Variants in PCDHGA10 observed in about 807,000 individuals in gnomAD.
PCDHGA10 encodes the protein protocadherin gamma-A10.
Under a neutral mutation model 59.5 loss-of-function variants are expected in PCDHGA10, and 42 were observed. That is an observed-to-expected ratio of 0.71 (90% CI 0.55 to 0.91). The LOEUF (loss-of-function observed/expected upper bound fraction) is 0.91. Among genes scored for constraint, PCDHGA10 ranks in the 40% least tolerant of loss-of-function variants. The pLI, the probability that PCDHGA10 is intolerant of heterozygous loss-of-function variation, is 0.00. For missense variants in PCDHGA10, 1,111 were observed against 1,198.2 expected, an observed-to-expected ratio of 0.93 and a Z score of 1.07; for synonymous variants, 511 against 517.2, an observed-to-expected ratio of 0.99 and a Z score of 0.16.
chr5:141,417,634 G>A, intron 1 of PCDHGA10: 1 of 721,778 alleles, frequency 1.4e-6, no homozygotes, highest in Non-Finnish European at 2.1e-6. Context: ...GCTGACGCCG[G>A]GGATCCCTCA....
At chr5:141,428,088 C>G (rs761980796) in intron 1 of PCDHGA10, 5 of 1,608,920 alleles carry the variant, frequency 3.1e-6, no homozygotes, top group Non-Finnish European at 4.2e-6. Context: ...CAACGCTTGG[C>G]TGTCCTACCA....
chr5:141,441,750 A>C, intron 1 of PCDHGA10: 1 of 374,962 alleles, frequency 2.7e-6, no homozygotes, highest in South Asian at 2.1e-5. Context: ...GCTCGGCGTC[A>C]ACGTGAGCCT....
chr5:141,476,619 CTT>C lies in PCDHGA10; in HGVS notation c.2437-18186_2437-18185del. Reference sequence around the variant, plus strand: ...CACGATCCCGATGTGGGAAGCAACTCTTTACAAACCTATGAGCTGAGCCGAAA... The same window carrying C: ...CACGATCCCGATGTGGGAAGCAACTCTACAAACCTATGAGCTGAGCCGAAA... On this transcript the variant is annotated intron_variant, in intron 1 of 3. Transcript: ENST00000398610. This position sits in a 1 kb window ranked among gnomAD's most constrained non-coding sequence, Gnocchi z 7.6. The C allele has an allele frequency of 1.2e-6, 2 of 1,614,258 alleles. No homozygotes were observed. The highest frequency in any genetic ancestry group is 1.7e-6 in the Non-Finnish European group (2 of 1,180,052).
At chr5:141,416,674 G>A (rs547618174) in intron 1 of PCDHGA10, 1 of 152,250 alleles carries the variant, frequency 6.6e-6, no homozygotes, top group South Asian at 2.1e-4. Flanking sequence ...TATATGCAAC[G>A]AAGGGAAATT....
Position 141,485,117 on chromosome 5 carries a change from G to A in PCDHGA10, c.2437-9690G>A. The A allele has an allele frequency of 3.0e-6, 4 of 1,326,200 alleles. No homozygotes were observed. The highest frequency in any genetic ancestry group is 4.3e-6 in the Non-Finnish European group (4 of 933,470). 82.2% of individuals were successfully genotyped at this position (1,326,200 alleles called of 1,614,324 possible). On this transcript the variant is annotated intron_variant, in intron 1 of 3. Transcript: ENST00000398610. The surrounding 1 kb of genome is among the most constrained non-coding windows in gnomAD (Gnocchi z 5.7). ...GTCTCCAGCTGCTGTGGCTGTTTGG[G>A]GCGGGTCGGCTTCATCCGCGTCTCA...
chr5:141,489,086 G>A lies in PCDHGA10; in HGVS notation c.2437-5721G>A, dbSNP rs2233599. ...CCCCCCTGCCCACCCCCGCCACTCG[G>A]TGACTAAGAACTGCTGCAAGCAGGC... On this transcript the variant is annotated intron_variant, in intron 1 of 3. Coordinates refer to ENST00000398610, the MANE Select transcript of PCDHGA10 (RefSeq NM_018913.3). The surrounding 1 kb of genome is among the most constrained non-coding windows in gnomAD (Gnocchi z 4.5). 2.2e-3 allele frequency: 754 copies of A among 340,206 alleles called. 5 individuals carry two copies. Among genetic ancestry groups the A allele is most frequent in the African/African-American group, 0.018 (712 of 39,726 alleles). 21.1% of individuals were successfully genotyped at this position (340,206 alleles called of 1,614,324 possible).
chr5:141,434,727 A>C (rs1344107083), intron 1 of PCDHGA10, among the ~76,000 whole-genome samples: 1 of 152,052 alleles, frequency 6.6e-6, no homozygotes. Context: ...CAGGGCTCTC[A>C]GCTCTGAAGG....
rs2097370658 is a variant in PCDHGA10 at position 141,431,413 on chromosome 5, C to T, written c.2436+15802C>T. The T allele has an allele frequency of 1.2e-6, 2 of 1,613,564 alleles. No homozygotes were observed. Among genetic ancestry groups the T allele is most frequent in the African/African-American group, 2.7e-5 (2 of 74,952 alleles). ...TGGTCCTTACGGCCTCCGACGGGGG[C>T]GACCCGGTGCGCACAGGCACCGCGC... On this transcript the variant is annotated intron_variant, in intron 1 of 3. Transcript: ENST00000398610. This position sits in a 1 kb window ranked among gnomAD's most constrained non-coding sequence, Gnocchi z 4.8.
chr5:141,469,756 A>G (rs2099210350), intron 1 of PCDHGA10, among the ~76,000 whole-genome samples: 1 of 152,252 alleles, frequency 6.6e-6, no homozygotes. Context: ...ACAAAAATAC[A>G]TATATACCAG....
Position 141,486,453 on chromosome 5 carries a change from C to T in PCDHGA10, c.2437-8354C>T, listed in dbSNP as rs776820667. 6.2e-6 allele frequency: 10 copies of T among 1,614,114 alleles called. No homozygotes were observed. The highest frequency in any genetic ancestry group is 1.1e-5 in the South Asian group (1 of 91,082). On this transcript the variant is annotated intron_variant, in intron 1 of 3. Transcript: ENST00000398610. The surrounding 1 kb of genome is among the most constrained non-coding windows in gnomAD (Gnocchi z 5.0). ...TCTAGCTATGACATCATGGTCACTGCTTCTGATGCTGGGAACCCTCCTCTC... is the reference window on the plus strand; with the variant it reads ...TCTAGCTATGACATCATGGTCACTGTTTCTGATGCTGGGAACCCTCCTCTC...
At chr5:141,471,046 C>CTTT (rs1170588345) in intron 1 of PCDHGA10, among the ~76,000 whole-genome samples, 3 of 113,252 alleles carry the variant, frequency 2.6e-5, no homozygotes, top group Non-Finnish European at 5.4e-5. Context: ...CCCAAGCCCT[C>CTTT]TTTTTTTTTT....
rs776657082 is a variant in PCDHGA10, at chr5:141,432,778, G to A, written c.2436+17167G>A. On this transcript the variant is annotated intron_variant, in intron 1 of 3. Coordinates refer to ENST00000398610, the MANE Select transcript of PCDHGA10 (RefSeq NM_018913.3). The surrounding 1 kb of genome is among the most constrained non-coding windows in gnomAD (Gnocchi z 6.0). ...CCGACAGCATCCCCCAAGTCCTGGC[G>A]GACCTCGGCAGCCTCGAGTCTCCAG... 6.2e-7 allele frequency: 1 copy of A among 1,614,166 alleles called. No homozygotes were observed. Among genetic ancestry groups the A allele is most frequent in the Non-Finnish European group, 8.5e-7 (1 of 1,180,002 alleles).
chr5:141,487,595 G>C lies in PCDHGA10; in HGVS notation c.2437-7212G>C. ...TGTTCGCCCAAGCTGCCCACCCTCT[G>C]ATCTTCTCTATGGGCTAGAGGTGAG... On this transcript the variant is annotated intron_variant, in intron 1 of 3. Coordinates refer to ENST00000398610, the MANE Select transcript of PCDHGA10 (RefSeq NM_018913.3). The surrounding 1 kb of genome is among the most constrained non-coding windows in gnomAD (Gnocchi z 5.0). 1 of 1,614,202 alleles carries C rather than the reference G, an allele frequency of 6.2e-7. No homozygotes were observed. The highest frequency in any genetic ancestry group is 8.5e-7 in the Non-Finnish European group (1 of 1,180,038).
At chr5:141,430,575 A>G in intron 1 of PCDHGA10, 2 of 455,822 alleles carry the variant, frequency 4.4e-6, no homozygotes, top group East Asian at 3.5e-5. Flanking sequence ...AAAAGCGGAG[A>G]TCCTGCTCGC....
At chr5:141,435,362 C>A (rs2097758711) in intron 1 of PCDHGA10, among the ~76,000 whole-genome samples, 1 of 152,120 alleles carries the variant, frequency 6.6e-6, no homozygotes, top group Admixed American at 6.6e-5. Flanking sequence ...AAAATTTTAT[C>A]ACTTAAATAT....
At chr5:141,423,099 G>C (rs1344463949) in intron 1 of PCDHGA10, 1 of 1,613,826 alleles carries the variant, frequency 6.2e-7, no homozygotes, top group Non-Finnish European at 8.5e-7. Flanking sequence ...GGGAGCACAC[G>C]GGCGAGGTGC....
rs2233605 is a variant in PCDHGA10 at position 141,490,412 on chromosome 5, C to A, written c.2437-4395C>A. ...GGTGAAGTGAGCCTTGATATCTCTC[C>A]GGACCTGCCATTTCAGATTAAGCCT... On this transcript the variant is annotated intron_variant, in intron 1 of 3. Transcript: ENST00000398610. This position sits in a 1 kb window ranked among gnomAD's most constrained non-coding sequence, Gnocchi z 5.4. 1.3e-4 allele frequency: 203 copies of A among 1,614,064 alleles called. 1 individual carries two copies. The highest frequency in any genetic ancestry group is 3.5e-4 in the South Asian group (32 of 91,086).
At chr5:141,466,655 AT>A (rs754296083) in intron 1 of PCDHGA10, among the ~76,000 whole-genome samples, 3 of 152,206 alleles carry the variant, frequency 2.0e-5, no homozygotes, top group Non-Finnish European at 4.4e-5. Context: ...TTCACAAAAC[AT>A]CAGTGATTTC....
chr5:141,445,035 T>C (rs1438748354), intron 1 of PCDHGA10, among the ~76,000 whole-genome samples: 1 of 152,208 alleles, frequency 6.6e-6, no homozygotes, highest in Admixed American at 6.5e-5. Flanking sequence ...CTATGTTGTA[T>C]AGTTTTCAGT....
Sources: allele counts gnomAD v4.1 joint callset (sites outside exome capture counted in the v4.1 genomes callset), GRCh38; gene constraint gnomAD v4.1.1; non-coding constraint Gnocchi (gnomAD v3.1); transcripts MANE v1.5; gene names NCBI Gene and HGNC (gene_info 2026-07-23, HGNC 2026-07-21).